Variants in FBXL17 observed in about 807,000 individuals in gnomAD.
FBXL17 encodes F-box and leucine rich repeat protein 17.
Under a neutral mutation model 66.2 loss-of-function variants are expected in FBXL17, and 22 were observed. The ratio of observed to expected loss-of-function variants is 0.33; its 90% CI spans 0.24 to 0.47. The LOEUF is 0.47. Ranked by LOEUF, FBXL17 falls within the 20% of genes least tolerant of loss-of-function variation. FBXL17 has a pLI of 1.00. For missense variants in FBXL17, 878 were observed against 948.2 expected (o/e 0.93, Z 0.97); for synonymous variants, 474 against 400.5 (o/e 1.18, Z -2.19).
intron 4 of FBXL17, among the ~76,000 whole-genome samples, chr5:108,256,538 A>G (rs938954718): frequency 2.6e-5 from 4 of 152,012 alleles, no homozygotes; most frequent in Non-Finnish European, 4.4e-5. Flanking sequence ...ATTTACTTCC[A>G]TATCTCCAAA....
intron 3 of FBXL17, among the ~76,000 whole-genome samples, chr5:108,351,476 G>A (rs1344396125): frequency 1.3e-5 from 2 of 152,116 alleles, no homozygotes; most frequent in Non-Finnish European, 2.9e-5. Context: ...GATATTTTCA[G>A]CTCATATGTA....
At chr5:108,055,809 A>T (rs1256582131) in intron 6 of FBXL17, among the ~76,000 whole-genome samples, 1 of 151,974 alleles carries the variant, frequency 6.6e-6, no homozygotes, top group Non-Finnish European at 1.5e-5. Flanking sequence ...CTCCCTTGTT[A>T]TAAGATTTTC....
intron 4 of FBXL17, among the ~76,000 whole-genome samples, chr5:108,252,214 T>A (rs536270204): frequency 5.5e-4 from 84 of 152,248 alleles, no homozygotes; most frequent in Non-Finnish European, 9.3e-4. Context: ...TAAAGTGTCT[T>A]CATCTGTAAC....
At chr5:107,932,983 A>G (rs1750781982) in intron 7 of FBXL17, among the ~76,000 whole-genome samples, 1 of 152,148 alleles carries the variant, frequency 6.6e-6, no homozygotes, top group Non-Finnish European at 1.5e-5. Flanking sequence ...TGTGGTTTGG[A>G]AAGACAAAAT....
At chr5:108,306,434 C>T (rs941583871) in intron 4 of FBXL17, among the ~76,000 whole-genome samples, 1 of 152,078 alleles carries the variant, frequency 6.6e-6, no homozygotes, top group Non-Finnish European at 1.5e-5. Context: ...TGCCATACTA[C>T]CCGGTTTCTA....
At chr5:107,878,518 G>C in intron 8 of FBXL17, 1 of 838,062 alleles carries the variant, frequency 1.2e-6, no homozygotes, top group Non-Finnish European at 1.4e-6. Context: ...TGCCCGCGGT[G>C]ACACAACTAG....
Position 108,364,650 on chromosome 5 carries a change from A to AT in FBXL17, c.1374+87dup, listed in dbSNP as rs1032709667. ...TGATTCACTTGAGTCTCTGGGAACT[A>AT]TTTTTAACGTAACCATTTAAAATGT... On this transcript the variant is annotated intron_variant, in intron 3 of 8. Transcript: ENST00000542267. The AT allele has an allele frequency of 8.3e-6, 9 of 1,082,174 alleles. No individual in the cohort carries two copies. In the African/African-American group the frequency reaches 1.3e-4, roughly 15 times the overall value. 67.0% of individuals were successfully genotyped at this position (1,082,174 alleles called of 1,614,324 possible). A position where few individuals can be genotyped will look rare whatever the true frequency, so the allele number is the denominator to read the frequency against.
intron 4 of FBXL17, among the ~76,000 whole-genome samples, chr5:108,238,181 G>A (rs563604566): frequency 1.3e-5 from 2 of 152,278 alleles, no homozygotes; most frequent in East Asian, 3.9e-4. Flanking sequence ...AGAATACTTC[G>A]TATGGATTCA....
chr5:108,050,055 G>A (rs176384), intron 6 of FBXL17, among the ~76,000 whole-genome samples: 112,873 of 152,090 alleles, frequency 0.74, 42,125 homozygotes, highest in East Asian at 0.93. Flanking sequence ...AAATATACAT[G>A]TACCCAATAC....
At chr5:107,943,045 T>G (rs1426315354) in intron 7 of FBXL17, among the ~76,000 whole-genome samples, 1 of 152,178 alleles carries the variant, frequency 6.6e-6, no homozygotes, top group Admixed American at 6.5e-5. Context: ...TTGCCCTGCC[T>G]CTCTGGGTAT....
chr5:108,381,601 G>C lies in FBXL17; in HGVS notation c.91C>G (p.Leu31Val). The C allele has an allele frequency of 1.4e-6, 2 of 1,479,746 alleles. No homozygotes were observed. The highest frequency in any genetic ancestry group is 1.8e-6 in the Non-Finnish European group (2 of 1,120,594). The allele number at this position is 1,479,746 out of a possible 1,614,324, so 91.7% of individuals were successfully genotyped here. ...GCTGGGGTCCGGCGGGGCAGCCTGA[G>C]GAGAGGGCGCCGGCGGCGGCACCAA... ...CSWCRRRRPL[L>V]RLPRRTPAKV... The change falls in exon 1 of 9, where the codon CTC becomes GTC. Residue 31 changes from leucine to valine, a missense_variant. By Grantham distance (32) the Leu-to-Val change is conservative. This residue lies in a region of FBXL17 where 605 missense variants were observed against 509.5 expected (regional missense o/e 1.19). Coordinates refer to ENST00000542267, the MANE Select transcript of FBXL17 (RefSeq NM_001163315.3).
At chr5:108,302,770 A>G (rs1758651946) in intron 4 of FBXL17, among the ~76,000 whole-genome samples, 1 of 151,900 alleles carries the variant, frequency 6.6e-6, no homozygotes, top group Admixed American at 6.6e-5. Flanking sequence ...TGAAATTTAC[A>G]TATAGATACG....
intron 6 of FBXL17, among the ~76,000 whole-genome samples, chr5:108,161,898 A>G (rs1440479230): frequency 1.3e-5 from 2 of 152,216 alleles, no homozygotes; most frequent in Admixed American, 6.5e-5. Flanking sequence ...AGGTTAAAGA[A>G]AAGTACAATA....
At chr5:108,273,998 T>C (rs1268349405) in intron 4 of FBXL17, among the ~76,000 whole-genome samples, 1 of 152,090 alleles carries the variant, frequency 6.6e-6, no homozygotes, top group Non-Finnish European at 1.5e-5. Context: ...TCTTAAATGA[T>C]AAAAAAGTGA....
chr5:108,000,155 A>G (rs2112713607), intron 7 of FBXL17, among the ~76,000 whole-genome samples: 1 of 152,334 alleles, frequency 6.6e-6, no homozygotes, highest in Middle Eastern at 3.4e-3. Context: ...AGTAAGCTGT[A>G]TAAATGAAAG....
At chr5:107,976,901 A>C (rs1401002744) in intron 7 of FBXL17, among the ~76,000 whole-genome samples, 1 of 152,220 alleles carries the variant, frequency 6.6e-6, no homozygotes. Context: ...AGAATATACT[A>C]AGACAATGAG....
intron 4 of FBXL17, chr5:108,298,122 A>G (rs1758424154): frequency 2.1e-6 from 2 of 963,040 alleles, no homozygotes; most frequent in Non-Finnish European, 2.5e-6. Flanking sequence ...TTACTATTAT[A>G]TAACTAATTT....
At chr5:108,096,958 C>T (rs931348785) in intron 6 of FBXL17, among the ~76,000 whole-genome samples, 1 of 152,188 alleles carries the variant, frequency 6.6e-6, no homozygotes, top group African/African-American at 2.4e-5. Flanking sequence ...AGCTAGTTTA[C>T]TGATGGGCCT....
intron 1 of FBXL17, among the ~76,000 whole-genome samples, chr5:108,369,963 G>A (rs1748918228): frequency 6.6e-6 from 1 of 152,194 alleles, no homozygotes; most frequent in African/African-American, 2.4e-5. Context: ...GGTTGCAGGT[G>A]ACCAGAGGTC....
Sources: gnomAD v4.1 joint callset for allele counts (sites outside exome capture counted in the v4.1 genomes callset) on GRCh38, gnomAD v4.1.1 for gene constraint, gnomAD v4.1.1 regional missense constraint, MANE v1.5 for transcripts, NCBI Gene and HGNC (gene_info 2026-07-23, HGNC 2026-07-21) for gene names.